Variants in NTRK3 observed in about 807,000 individuals in gnomAD.
NTRK3 encodes the protein neurotrophic receptor tyrosine kinase 3, also known as NT-3 growth factor receptor.
In NTRK3, 24 loss-of-function variants were observed where a neutral mutation model predicts 91.7. That is an observed-to-expected ratio of 0.26 (90% CI 0.19 to 0.37). NTRK3 has a LOEUF of 0.37. Ranked by LOEUF, NTRK3 falls within the 10% of genes least tolerant of loss-of-function variation. The pLI is 1.00. For synonymous variants in NTRK3, 483 were observed against 404.0 expected (o/e 1.20, Z -2.34); for missense variants, 880 against 1,068.9 (o/e 0.82, Z 2.46).
chr15:88,231,196 C>A (rs998833453), intron 3 of NTRK3, among the ~76,000 whole-genome samples: 3 of 152,166 alleles, frequency 2.0e-5, no homozygotes, highest in African/African-American at 7.2e-5. Flanking sequence ...CCCTTCTCAC[C>A]CAAGTTCTGG....
intron 13 of NTRK3, among the ~76,000 whole-genome samples, chr15:88,055,669 T>A (rs2045613710): frequency 6.6e-6 from 1 of 152,100 alleles, no homozygotes; most frequent in Admixed American, 6.6e-5. Context: ...ACCCAGTGAA[T>A]TGCCCAAGTT....
intron 11 of NTRK3, 69 bp from the exon 12 acceptor site, chr15:88,127,295 T>C: frequency 7.6e-7 from 1 of 1,322,616 alleles, no homozygotes; most frequent in East Asian, 2.3e-5. Context: ...CCACAGTCCC[T>C]GCCCAACTCC....
At chr15:87,960,678 T>C (rs1480017816) in intron 14 of NTRK3, among the ~76,000 whole-genome samples, 2 of 152,050 alleles carry the variant, frequency 1.3e-5, no homozygotes, top group Non-Finnish European at 2.9e-5. Flanking sequence ...GGAGATGGTG[T>C]TTTGCCATGT....
At chr15:87,939,789 G>A (rs554073039) in intron 15 of NTRK3, among the ~76,000 whole-genome samples, 17 of 152,286 alleles carry the variant, frequency 1.1e-4, no homozygotes, top group South Asian at 2.1e-4. Flanking sequence ...AGATCTGTGC[G>A]TGCCTCCATG....
At chr15:88,242,913 G>C (rs1441092257) in intron 3 of NTRK3, among the ~76,000 whole-genome samples, 2 of 152,196 alleles carry the variant, frequency 1.3e-5, no homozygotes, top group African/African-American at 2.4e-5. Flanking sequence ...TATGCACTTG[G>C]AAGACAGTCC....
intron 14 of NTRK3, among the ~76,000 whole-genome samples, chr15:88,026,810 T>A (rs1184048600): frequency 6.6e-6 from 1 of 152,150 alleles, no homozygotes; most frequent in Non-Finnish European, 1.5e-5. Context: ...TCTAAAACTG[T>A]TCTTTAAAAT....
intron 5 of NTRK3, among the ~76,000 whole-genome samples, chr15:88,178,230 T>A (rs2046170869): frequency 6.6e-6 from 1 of 152,200 alleles, no homozygotes; most frequent in Non-Finnish European, 1.5e-5. Context: ...ACTGTCTACA[T>A]GTCATCTTGA....
intron 13 of NTRK3, among the ~76,000 whole-genome samples, chr15:88,093,508 G>A (rs185344880): frequency 6.6e-6 from 1 of 152,252 alleles, no homozygotes; most frequent in Non-Finnish European, 1.5e-5. Context: ...AACAGATGAG[G>A]AAACCCATTC....
chr15:87,950,749 C>A (rs2071032356), intron 14 of NTRK3, among the ~76,000 whole-genome samples: 1 of 152,186 alleles, frequency 6.6e-6, no homozygotes, highest in South Asian at 2.1e-4. Context: ...AGCTAATGCC[C>A]ATAAAAGTTC....
intron 14 of NTRK3, among the ~76,000 whole-genome samples, chr15:87,961,375 C>G (rs1242206898): frequency 6.6e-6 from 1 of 152,244 alleles, no homozygotes. Flanking sequence ...CCCTAAAAAA[C>G]TCAAGCTAGC....
At chr15:87,915,618 G>T (rs543978457) in intron 17 of NTRK3, among the ~76,000 whole-genome samples, 1 of 152,078 alleles carries the variant, frequency 6.6e-6, no homozygotes, top group Non-Finnish European at 1.5e-5. Context: ...TCTTGAGTAG[G>T]TTCTTCTCCT....
chr15:88,166,730 A>G (rs920284613), intron 5 of NTRK3, among the ~76,000 whole-genome samples: 1 of 152,230 alleles, frequency 6.6e-6, no homozygotes, highest in Non-Finnish European at 1.5e-5. Context: ...CAGAAAGAAC[A>G]TGAGCTCTGG....
intron 5 of NTRK3, among the ~76,000 whole-genome samples, chr15:88,170,535 G>A (rs115803163): frequency 3.1e-4 from 47 of 152,316 alleles, no homozygotes; most frequent in African/African-American, 1.0e-3. Flanking sequence ...CCTGTAGGGG[G>A]ATGTACAGGC....
At chr15:88,184,048 G>C (rs1345210620) in intron 4 of NTRK3, among the ~76,000 whole-genome samples, 177 bp downstream of exon 4, 1 of 152,184 alleles carries the variant, frequency 6.6e-6, no homozygotes, top group Admixed American at 6.5e-5. Flanking sequence ...TGAAGAGATG[G>C]CCTTTGAAGC....
chr15:88,204,083 C>T (rs139909744), intron 3 of NTRK3, among the ~76,000 whole-genome samples: 1,869 of 152,220 alleles, frequency 0.012, 37 homozygotes, highest in African/African-American at 0.043. Flanking sequence ...TCCTTGTGTC[C>T]GTGTGTTCTC....
chr15:88,038,205 TA>T (rs57764066), intron 13 of NTRK3, among the ~76,000 whole-genome samples: 23,073 of 152,214 alleles, frequency 0.15, 2,499 homozygotes, highest in African/African-American at 0.31. Flanking sequence ...AGATTACAGA[TA>T]ATTCATCATG....
At chr15:88,181,031 A>C (rs2046410373) in intron 5 of NTRK3, among the ~76,000 whole-genome samples, 1 of 152,184 alleles carries the variant, frequency 6.6e-6, no homozygotes, top group Non-Finnish European at 1.5e-5. Flanking sequence ...TATGAGAGCC[A>C]CTTGACTGGG....
intron 13 of NTRK3, among the ~76,000 whole-genome samples, chr15:88,037,708 T>C (rs2079189553): frequency 6.6e-6 from 1 of 152,176 alleles, no homozygotes; most frequent in Non-Finnish European, 1.5e-5. Flanking sequence ...GAAGTTTCCA[T>C]GGAATGTTAA....
chr15:88,177,291 A>G (rs1451257095), intron 5 of NTRK3, among the ~76,000 whole-genome samples: 1 of 152,224 alleles, frequency 6.6e-6, no homozygotes, highest in Non-Finnish European at 1.5e-5. Context: ...TGTTTAAAAT[A>G]TCACTCTGGC....
Sources: allele counts gnomAD v4.1 joint callset (sites outside exome capture counted in the v4.1 genomes callset), GRCh38; gene constraint gnomAD v4.1.1; transcripts MANE v1.5; gene names NCBI Gene and HGNC (gene_info 2026-07-23, HGNC 2026-07-21).